Variants in CSMD1 observed in about 807,000 individuals in gnomAD.
The protein encoded by CSMD1 is CUB and Sushi multiple domains 1, also known as CUB and sushi domain-containing protein 1.
Under a neutral mutation model 417.5 loss-of-function variants are expected in CSMD1, and 213 were observed. The ratio of observed to expected loss-of-function variants is 0.51; its 90% CI spans 0.46 to 0.57. CSMD1 has a LOEUF of 0.57. Among genes scored for constraint, CSMD1 ranks in the 20% least tolerant of loss-of-function variants. CSMD1 has a pLI of 0.00. For missense variants in CSMD1, 6,923 were observed against 4,529.7 expected, an observed-to-expected ratio of 1.53 and a Z score of -15.17; for synonymous variants, 2,862 against 1,736.8, an observed-to-expected ratio of 1.65 and a Z score of -16.11.
intron 3 of CSMD1, among the ~76,000 whole-genome samples, chr8:4,160,707 G>A (rs1584933491): frequency 6.6e-6 from 1 of 152,206 alleles, no homozygotes; most frequent in Non-Finnish European, 1.5e-5. Flanking sequence ...CTTCACTCTT[G>A]CCTTGTGGCA....
At chr8:4,033,159 G>T (rs1269480041) in intron 3 of CSMD1, among the ~76,000 whole-genome samples, 1 of 130,314 alleles carries the variant, frequency 7.7e-6, no homozygotes, top group Non-Finnish European at 1.6e-5. Context: ...AAAAAAACCT[G>T]GCCAGGCACG....
chr8:3,408,962 C>G (rs1025345464), intron 13 of CSMD1, among the ~76,000 whole-genome samples: 1 of 152,082 alleles, frequency 6.6e-6, no homozygotes, highest in Non-Finnish European at 1.5e-5. Context: ...GCCTTTTCTA[C>G]TTGTTAAAAT....
At chr8:3,969,311 C>A (rs906045040) in intron 5 of CSMD1, among the ~76,000 whole-genome samples, 2 of 152,092 alleles carry the variant, frequency 1.3e-5, no homozygotes, top group East Asian at 3.9e-4. Context: ...GGAGAAAGGG[C>A]TTCCCAGGCC....
intron 42 of CSMD1, among the ~76,000 whole-genome samples, chr8:3,115,860 T>C (rs186877534): frequency 2.0e-4 from 30 of 152,344 alleles, no homozygotes; most frequent in African/African-American, 5.8e-4. Context: ...CTGTGTTTTT[T>C]CTGAAGTTCT....
At chr8:4,006,642 G>A (rs946650658) in intron 4 of CSMD1, among the ~76,000 whole-genome samples, 5 of 152,094 alleles carry the variant, frequency 3.3e-5, no homozygotes, top group Non-Finnish European at 4.4e-5. Flanking sequence ...AGCAAGAGAG[G>A]GAACAGCACT....
At chr8:3,308,743 T>C (rs1805092841) in intron 23 of CSMD1, among the ~76,000 whole-genome samples, 1 of 148,864 alleles carries the variant, frequency 6.7e-6, no homozygotes, top group African/African-American at 2.5e-5. Flanking sequence ...TTTTTTTTTT[T>C]TTTTTTTTTT....
At chr8:3,184,568 C>G (rs572137882) in intron 36 of CSMD1, among the ~76,000 whole-genome samples, 1 of 152,180 alleles carries the variant, frequency 6.6e-6, no homozygotes, top group East Asian at 1.9e-4. Context: ...CTTCTTCTTA[C>G]GCATTTGTTC....
At chr8:4,217,807 C>T (rs755135723) in intron 3 of CSMD1, among the ~76,000 whole-genome samples, 19 of 151,964 alleles carry the variant, frequency 1.3e-4, no homozygotes, top group Non-Finnish European at 1.9e-4. Context: ...AGTATGAGGT[C>T]GATCACCCTC....
intron 38 of CSMD1, among the ~76,000 whole-genome samples, chr8:3,158,879 GC>G (rs1265584742): frequency 6.6e-6 from 1 of 152,092 alleles, no homozygotes; most frequent in Non-Finnish European, 1.5e-5. Context: ...AATAATTCCA[GC>G]CACACTGGGA....
chr8:4,912,314 T>C (rs1805745017), intron 1 of CSMD1, among the ~76,000 whole-genome samples: 1 of 151,340 alleles, frequency 6.6e-6, no homozygotes, highest in African/African-American at 2.4e-5. Flanking sequence ...CAGAATCTAA[T>C]AAAAGAAGAG....
intron 2 of CSMD1, among the ~76,000 whole-genome samples, chr8:4,592,438 G>A (rs187292437): frequency 3.9e-5 from 6 of 151,962 alleles, no homozygotes; most frequent in African/African-American, 1.2e-4. Flanking sequence ...CCAGGCTGGA[G>A]TGCAGTGGCA....
At chr8:2,998,882 C>T (rs1398410663) in intron 53 of CSMD1, among the ~76,000 whole-genome samples, 1 of 152,110 alleles carries the variant, frequency 6.6e-6, no homozygotes, top group Non-Finnish European at 1.5e-5. Context: ...CAATTTTTTT[C>T]CTATAAGTAA....
intron 5 of CSMD1, among the ~76,000 whole-genome samples, chr8:3,825,942 C>G (rs1034574527): frequency 2.6e-5 from 4 of 152,212 alleles, no homozygotes; most frequent in Non-Finnish European, 4.4e-5. Context: ...TAAATTCCAA[C>G]TTAAGATTAA....
At chr8:3,564,459 T>C (rs1269187459) in intron 10 of CSMD1, among the ~76,000 whole-genome samples, 2 of 152,072 alleles carry the variant, frequency 1.3e-5, no homozygotes, top group East Asian at 3.9e-4. Flanking sequence ...CTGTAACACT[T>C]TACGTTGTAC....
intron 3 of CSMD1, among the ~76,000 whole-genome samples, chr8:4,237,240 C>T (rs1383847008): frequency 1.3e-5 from 2 of 152,152 alleles, no homozygotes; most frequent in East Asian, 3.9e-4. Flanking sequence ...AGTAGACGTC[C>T]TGCCCTTTGG....
chr8:4,332,944 T>TAAAAAAA (rs35103998), intron 3 of CSMD1, among the ~76,000 whole-genome samples: 2 of 143,680 alleles, frequency 1.4e-5, no homozygotes. Flanking sequence ...TATAAAAATC[T>TAAAAAAA]AAAAAAAAAA....
chr8:4,820,264 A>G (rs998918598), intron 1 of CSMD1, among the ~76,000 whole-genome samples: 1 of 152,172 alleles, frequency 6.6e-6, no homozygotes, highest in South Asian at 2.1e-4. Flanking sequence ...AAAAATAAAC[A>G]CTACAGACTG....
chr8:3,747,929 A>G (rs1797139612), intron 6 of CSMD1, among the ~76,000 whole-genome samples: 1 of 152,086 alleles, frequency 6.6e-6, no homozygotes, highest in Admixed American at 6.6e-5. Context: ...CCAGCCCTAG[A>G]AAAAACCCTT....
chr8:2,999,346 G>C (rs954126996), intron 53 of CSMD1, among the ~76,000 whole-genome samples: 3 of 151,930 alleles, frequency 2.0e-5, no homozygotes, highest in African/African-American at 7.3e-5. Flanking sequence ...AGTAGAAATG[G>C]GGTTTTGCCA....
Sources: allele counts gnomAD v4.1 joint callset (sites outside exome capture counted in the v4.1 genomes callset), GRCh38; gene constraint gnomAD v4.1.1; transcripts MANE v1.5; gene names NCBI Gene and HGNC (gene_info 2026-07-23, HGNC 2026-07-21).